Variants in COLGALT2 observed in about 807,000 individuals in gnomAD.
The protein encoded by COLGALT2 is collagen beta(1-O)galactosyltransferase 2.
In COLGALT2, 49 loss-of-function variants were observed where a neutral mutation model predicts 73.4. That is an observed-to-expected ratio of 0.67 (90% CI 0.53 to 0.85). The LOEUF (loss-of-function observed/expected upper bound fraction) is 0.85, where lower values mean the gene tolerates loss of function less well. Ranked by LOEUF, COLGALT2 falls within the 40% of genes least tolerant of loss-of-function variation. The pLI is 0.00. For missense variants in COLGALT2, 722 were observed against 790.2 expected (o/e 0.91, Z 1.03); for synonymous variants, 295 against 307.6 (o/e 0.96, Z 0.43).
chr1:184,011,330 C>T (rs368728294), intron 1 of COLGALT2, among the ~76,000 whole-genome samples: 1 of 152,156 alleles, frequency 6.6e-6, no homozygotes, highest in African/African-American at 2.4e-5. Flanking sequence ...CATTTCAGGG[C>T]CATTCTCCAA....
intron 1 of COLGALT2, among the ~76,000 whole-genome samples, chr1:183,980,626 T>C (rs1458097937): frequency 2.0e-5 from 3 of 152,082 alleles, no homozygotes; most frequent in Non-Finnish European, 4.4e-5. Flanking sequence ...TACCAAATCC[T>C]ACAATAGATA....
intron 1 of COLGALT2, among the ~76,000 whole-genome samples, chr1:183,997,781 G>A (rs1671809699): frequency 6.6e-6 from 1 of 152,164 alleles, no homozygotes; most frequent in African/African-American, 2.4e-5. Context: ...CATGTTACAT[G>A]TGTTTTCTGT....
intron 1 of COLGALT2, among the ~76,000 whole-genome samples, chr1:184,000,453 T>C (rs901867192): frequency 1.3e-5 from 2 of 151,958 alleles, no homozygotes; most frequent in East Asian, 3.9e-4. Flanking sequence ...CCTCTCCAAA[T>C]CAATACAAGG....
chr1:184,014,787 CAGGAGT>C (rs1351754762), intron 1 of COLGALT2, among the ~76,000 whole-genome samples: 1 of 152,084 alleles, frequency 6.6e-6, no homozygotes, highest in East Asian at 1.9e-4. Context: ...TCCAGAAGAA[CAGGAGT>C]AGAAGAGGTC....
chr1:184,037,654 C>T lies in COLGALT2; in HGVS notation c.-297G>A. On this transcript the variant is annotated 5_prime_UTR_variant, in exon 1 of 12. Coordinates refer to ENST00000361927, the MANE Select transcript of COLGALT2 (RefSeq NM_015101.4). The stretch of plus-strand genomic sequence containing the variant: ...GCCGAGGGGCTGTGTGCCCTGAGTC[C>T]TGAGGAAAGTTCCTCTAGTCCAGGT... 9.7e-7 allele frequency: 1 copy of T among 1,035,840 alleles called. No individual in the cohort carries two copies. The highest frequency in any genetic ancestry group is 4.6e-4 in the Middle Eastern group (1 of 2,184). 64.2% of individuals were successfully genotyped at this position (1,035,840 alleles called of 1,614,324 possible).
Position 183,951,051 on chromosome 1 carries a change from A to G in COLGALT2, c.1092T>C (p.Tyr364=). Residue 364 remains tyrosine, a synonymous_variant, in exon 8 of 12, where the codon TAT becomes TAC. Coordinates refer to ENST00000361927, the MANE Select transcript of COLGALT2 (RefSeq NM_015101.4). The part of the protein sequence containing the change: ...DRRDRMLRTL[Y]EQEIEVKIVE... Reference sequence around the variant, plus strand: ...CAATCTTGACCTCAATCTCCTGTTCATACAGTGTGCGCAGCATCCGGTCCC... The same window carrying G: ...CAATCTTGACCTCAATCTCCTGTTCGTACAGTGTGCGCAGCATCCGGTCCC... The G allele has an allele frequency of 6.2e-7, 1 of 1,613,992 alleles. No individual in the cohort carries two copies. Among genetic ancestry groups the G allele is most frequent in the Non-Finnish European group, 8.5e-7 (1 of 1,179,888 alleles).
intron 6 of COLGALT2, among the ~76,000 whole-genome samples, chr1:183,955,331 T>C (rs1288517424): frequency 6.6e-6 from 1 of 152,240 alleles, no homozygotes; most frequent in Non-Finnish European, 1.5e-5. Context: ...TTACTTACTA[T>C]GGCCCATGAT....
At chr1:183,962,955 T>C (rs542475795) in intron 6 of COLGALT2, among the ~76,000 whole-genome samples, 2 of 152,304 alleles carry the variant, frequency 1.3e-5, no homozygotes, top group South Asian at 4.1e-4. Flanking sequence ...GTTTCTGCTG[T>C]TCCTCCCTAA....
At chr1:184,014,696 T>C (rs139635636) in intron 1 of COLGALT2, among the ~76,000 whole-genome samples, 90 of 152,288 alleles carry the variant, frequency 5.9e-4, no homozygotes, top group Middle Eastern at 3.4e-3. Flanking sequence ...AGGCAAAGGC[T>C]ACTGGGAGGA....
Position 184,037,189 on chromosome 1 carries a change from C to G in COLGALT2, c.169G>C (p.Val57Leu). The G allele has an allele frequency of 6.2e-7, 1 of 1,605,226 alleles. No individual in the cohort carries two copies. The highest frequency in any genetic ancestry group is 8.5e-7 in the Non-Finnish European group (1 of 1,177,338). ...ESPLQSPTVLVAVLARNAAHT... is the reference protein window; with the variant it reads ...ESPLQSPTVLLAVLARNAAHT... The stretch of plus-strand genomic sequence containing the variant: ...GCCGCGTTGCGGGCGAGGACCGCCA[C>G]GAGCACCGTGGGGCTCTGCAGGGGC... The change falls in exon 1 of 12, where the codon GTG becomes CTG. Residue 57 changes from valine to leucine, a missense_variant. Coordinates refer to ENST00000361927, the MANE Select transcript of COLGALT2 (RefSeq NM_015101.4).
At chr1:183,951,980 C>T (rs1171804557) in intron 7 of COLGALT2, among the ~76,000 whole-genome samples, 1 of 152,128 alleles carries the variant, frequency 6.6e-6, no homozygotes, top group Non-Finnish European at 1.5e-5. Context: ...CAGCATGGTA[C>T]TGGCATAAGA....
chr1:183,930,213 G>T (rs1325057633), exon 12 of COLGALT2: 2 of 456,186 alleles, frequency 4.4e-6, no homozygotes, highest in Admixed American at 2.3e-5. Flanking sequence ...CCTTCTCCTA[G>T]GGTGCACGGG....
At chr1:183,992,404 A>G (rs1251524189) in intron 1 of COLGALT2, among the ~76,000 whole-genome samples, 1 of 152,220 alleles carries the variant, frequency 6.6e-6, no homozygotes, top group African/African-American at 2.4e-5. Flanking sequence ...TGCTAGGTAT[A>G]TCAGTAGGCT....
At chr1:183,981,875 T>C (rs1671361123) in intron 1 of COLGALT2, among the ~76,000 whole-genome samples, 1 of 152,194 alleles carries the variant, frequency 6.6e-6, no homozygotes, top group Non-Finnish European at 1.5e-5. Flanking sequence ...AGATAGGGAA[T>C]ACATTTCTGT....
At chr1:183,984,939 G>A (rs1671448162) in intron 1 of COLGALT2, among the ~76,000 whole-genome samples, 1 of 152,170 alleles carries the variant, frequency 6.6e-6, no homozygotes, top group Admixed American at 6.5e-5. Context: ...ATGGAAGGGA[G>A]CACAAAGAGC....
At chr1:184,030,050 G>T (rs549406397) in intron 1 of COLGALT2, among the ~76,000 whole-genome samples, 1 of 152,284 alleles carries the variant, frequency 6.6e-6, no homozygotes, top group African/African-American at 2.4e-5. Context: ...TAGAGTAGAT[G>T]GGAGATTTAC....
intron 1 of COLGALT2, among the ~76,000 whole-genome samples, chr1:184,032,345 C>G (rs1649538761): frequency 2.6e-5 from 4 of 152,146 alleles, no homozygotes; most frequent in Admixed American, 2.6e-4. Flanking sequence ...GAAATAGCAA[C>G]TATCATTGTT....
intron 5 of COLGALT2, among the ~76,000 whole-genome samples, chr1:183,966,791 A>T (rs1294967324): frequency 1.3e-5 from 2 of 152,178 alleles, no homozygotes; most frequent in East Asian, 3.9e-4. Context: ...AGGAACAGAG[A>T]CGCGCCTATG....
At chr1:183,957,548 T>C (rs1670585751) in intron 6 of COLGALT2, among the ~76,000 whole-genome samples, 1 of 152,234 alleles carries the variant, frequency 6.6e-6, no homozygotes, top group South Asian at 2.1e-4. Flanking sequence ...CAGCCTAGCT[T>C]GGGTCCTTAC....
Sources: allele counts gnomAD v4.1 joint callset (sites outside exome capture counted in the v4.1 genomes callset), GRCh38; gene constraint gnomAD v4.1.1; transcripts MANE v1.5; gene names NCBI Gene and HGNC (gene_info 2026-07-23, HGNC 2026-07-21).